ITGBL1: variants seen among roughly 807,000 people sequenced by gnomAD.
ITGBL1 encodes the protein integrin beta-like protein 1.
A neutral mutation model predicts 68.5 loss-of-function variants in ITGBL1; 51 were observed. That is an observed-to-expected ratio of 0.74 (90% CI 0.59 to 0.94). ITGBL1 has a LOEUF of 0.94. Among genes scored for constraint, ITGBL1 ranks in the 40% least tolerant of loss-of-function variants. The probability of loss-of-function intolerance (pLI) is 0.00; values close to 1 mark genes in which losing one functional copy is unlikely to be tolerated. For synonymous variants in ITGBL1, 209 were observed against 227.3 expected (o/e 0.92, Z 0.72); for missense variants, 649 against 647.4 (o/e 1.00, Z -0.03).
intron 7 of ITGBL1, among the ~76,000 whole-genome samples, chr13:101,613,864 C>T (rs1383703963): frequency 6.6e-6 from 1 of 152,144 alleles, no homozygotes. Context: ...ACTCACCACT[C>T]TGCAGGGTTG....
At chr13:101,493,133 A>C (rs769742705) in intron 2 of ITGBL1, among the ~76,000 whole-genome samples, 13 of 152,160 alleles carry the variant, frequency 8.5e-5, no homozygotes, top group Non-Finnish European at 1.3e-4. Flanking sequence ...TGGAATTTTC[A>C]AGATTTTACT....
At chr13:101,592,283 GT>G (rs1042037735) in intron 6 of ITGBL1, among the ~76,000 whole-genome samples, 4 of 152,046 alleles carry the variant, frequency 2.6e-5, no homozygotes, top group African/African-American at 9.7e-5. Context: ...TACTCTAAGG[GT>G]CTCCAGGCTA....
At chr13:101,467,636 G>C (rs369812324) in intron 2 of ITGBL1, among the ~76,000 whole-genome samples, 97 of 152,258 alleles carry the variant, frequency 6.4e-4, no homozygotes, top group African/African-American at 2.1e-3. Flanking sequence ...GTAGAAGAAT[G>C]AGGGCTTTAT....
At chr13:101,544,679 C>T (rs545913564) in intron 2 of ITGBL1, among the ~76,000 whole-genome samples, 1 of 152,284 alleles carries the variant, frequency 6.6e-6, no homozygotes, top group East Asian at 1.9e-4. Context: ...AGGCAGGCCT[C>T]CTTGAGCTGC....
chr13:101,551,914 G>T (rs955726433), intron 2 of ITGBL1, among the ~76,000 whole-genome samples: 1 of 152,142 alleles, frequency 6.6e-6, no homozygotes, highest in Non-Finnish European at 1.5e-5. Flanking sequence ...AATGTGGGGT[G>T]ATATAGCCCA....
At chr13:101,658,643 G>A (rs2032997859) in intron 7 of ITGBL1, among the ~76,000 whole-genome samples, 1 of 152,046 alleles carries the variant, frequency 6.6e-6, no homozygotes, top group Admixed American at 6.6e-5. Context: ...TTTAAACTGG[G>A]ATAATACATT....
intron 3 of ITGBL1, among the ~76,000 whole-genome samples, chr13:101,568,458 T>G (rs1365711083): frequency 6.6e-6 from 1 of 152,120 alleles, no homozygotes; most frequent in Non-Finnish European, 1.5e-5. Flanking sequence ...TTACCGTAAT[T>G]AAATATTCTT....
intron 2 of ITGBL1, among the ~76,000 whole-genome samples, chr13:101,545,594 A>T (rs1011528084): frequency 9.2e-5 from 14 of 152,056 alleles, no homozygotes; most frequent in Non-Finnish European, 1.6e-4. Flanking sequence ...CAAATATTTT[A>T]AAAAAACGAC....
intron 7 of ITGBL1, among the ~76,000 whole-genome samples, chr13:101,598,957 G>T (rs2030175741): frequency 6.6e-6 from 1 of 152,108 alleles, no homozygotes; most frequent in Admixed American, 6.6e-5. Flanking sequence ...GCCCAGTAAT[G>T]GGATGGCTGA....
At chr13:101,473,163 A>G (rs2048486401) in intron 2 of ITGBL1, among the ~76,000 whole-genome samples, 1 of 152,218 alleles carries the variant, frequency 6.6e-6, no homozygotes, top group Admixed American at 6.5e-5. Flanking sequence ...ACAATTATCC[A>G]TGCAGGAAAG....
intron 2 of ITGBL1, among the ~76,000 whole-genome samples, chr13:101,530,584 T>G (rs1027878621): frequency 1.3e-5 from 2 of 152,218 alleles, no homozygotes; most frequent in African/African-American, 4.8e-5. Context: ...TATGCTGATG[T>G]GTACTCTCTG....
chr13:101,604,887 T>TACACATATATACACAC (rs1555361673), intron 7 of ITGBL1, among the ~76,000 whole-genome samples: 1 of 22,164 alleles, frequency 4.5e-5, no homozygotes. Context: ...TATATATATA[T>TACACATATATACACAC]ACACACACAC....
intron 2 of ITGBL1, among the ~76,000 whole-genome samples, chr13:101,509,584 T>C (rs1047890974): frequency 6.6e-6 from 1 of 152,136 alleles, no homozygotes; most frequent in African/African-American, 2.4e-5. Context: ...ATATTCAATA[T>C]CATTATTATT....
At chr13:101,606,538 T>A (rs932851076) in intron 7 of ITGBL1, among the ~76,000 whole-genome samples, 8 of 151,940 alleles carry the variant, frequency 5.3e-5, no homozygotes, top group Non-Finnish European at 1.2e-4. Context: ...AGTTTTACAT[T>A]CTTCCTGATT....
At chr13:101,521,797 CTTTTCCTTTCTTTCT>C (rs1026634968) in intron 2 of ITGBL1, among the ~76,000 whole-genome samples, 1 of 152,050 alleles carries the variant, frequency 6.6e-6, no homozygotes. Context: ...TGGACTAGTT[CTTTTCCTTTCTTTCT>C]TTTTCCTTAC....
At chr13:101,615,182 A>G (rs910235459) in intron 7 of ITGBL1, among the ~76,000 whole-genome samples, 14 of 151,874 alleles carry the variant, frequency 9.2e-5, no homozygotes, top group Non-Finnish European at 1.8e-4. Context: ...TCACATGGCT[A>G]TCTTACCTGC....
At chr13:101,539,142 G>A (rs1376482975) in intron 2 of ITGBL1, among the ~76,000 whole-genome samples, 2 of 145,806 alleles carry the variant, frequency 1.4e-5, no homozygotes, top group African/African-American at 5.1e-5. Context: ...GTGTTGGTGT[G>A]CTGCACCCAT....
intron 2 of ITGBL1, among the ~76,000 whole-genome samples, chr13:101,519,873 G>T (rs1305331075): frequency 6.6e-6 from 1 of 152,090 alleles, no homozygotes; most frequent in East Asian, 1.9e-4. Flanking sequence ...ATAGAAGGAG[G>T]TCCCCATTTC....
chr13:101,535,860 C>T (rs1055642530), intron 2 of ITGBL1, among the ~76,000 whole-genome samples: 3 of 152,058 alleles, frequency 2.0e-5, no homozygotes, highest in East Asian at 1.9e-4. Context: ...GAAAAGTTCT[C>T]ATATGGCTGT....
Sources: allele counts gnomAD v4.1 joint callset (sites outside exome capture counted in the v4.1 genomes callset), GRCh38; gene constraint gnomAD v4.1.1; transcripts MANE v1.5; gene names NCBI Gene and HGNC (gene_info 2026-07-23, HGNC 2026-07-21).